SYNE1: variants seen among roughly 807,000 people sequenced by gnomAD.
SYNE1 encodes nesprin-1.
Under a neutral mutation model 1,111.0 loss-of-function variants are expected in SYNE1, and 616 were observed. The ratio of observed to expected loss-of-function variants is 0.55; its 90% CI spans 0.52 to 0.59. The LOEUF is 0.59. Ranked by LOEUF, SYNE1 falls within the 20% of genes least tolerant of loss-of-function variation. The pLI is 0.00. For synonymous variants in SYNE1, 3,855 were observed against 3,825.8 expected, an observed-to-expected ratio of 1.01 and a Z score of -0.28; for missense variants, 10,006 against 10,417.0, an observed-to-expected ratio of 0.96 and a Z score of 1.72.
intron 4 of SYNE1, among the ~76,000 whole-genome samples, chr6:152,532,505 A>G (rs571851863): frequency 3.1e-4 from 47 of 152,362 alleles, no homozygotes; most frequent in African/African-American, 1.1e-3. Flanking sequence ...GAAAATGCTT[A>G]GAAGAATAGC....
intron 4 of SYNE1, among the ~76,000 whole-genome samples, chr6:152,530,623 A>T (rs907981526): frequency 4.2e-5 from 6 of 141,990 alleles, no homozygotes; most frequent in Non-Finnish European, 7.6e-5. Flanking sequence ...GTGTGATGAA[A>T]TTTTTTTTTT....
chr6:152,258,847 T>C (rs908710190), intron 101 of SYNE1, among the ~76,000 whole-genome samples: 3 of 151,732 alleles, frequency 2.0e-5, no homozygotes, highest in African/African-American at 7.3e-5. Context: ...CGGGTTCAAG[T>C]GATTCTCCTG....
rs1055534806 is a variant in SYNE1 at position 152,176,427 on chromosome 6, C to T, written c.23594G>A (p.Arg7865Gln). The T allele has an allele frequency of 1.7e-5, 28 of 1,614,010 alleles. No individual in the cohort carries two copies. Among genetic ancestry groups the T allele is most frequent in the Non-Finnish European group, 2.0e-5 (24 of 1,180,024 alleles). The change falls in exon 130 of 146, where the codon CGG becomes CAG. Residue 7865 changes from arginine to glutamine, a missense_variant. Physicochemically the swap from Arg to Gln is conservative, Grantham distance 43. Coordinates refer to ENST00000367255, the MANE Select transcript of SYNE1 (RefSeq NM_182961.4). ...AATGAGGTCCAGGAGATGCTGCCAC[C>T]GGTCGTTGACCTTTCCCAGCTTGTA... is the stretch of plus-strand genomic sequence containing the variant. Reference protein sequence around the residue: ...IEYKLGKVNDRWQHLLDLIAA... With the variant: ...IEYKLGKVNDQWQHLLDLIAA...
intron 9 of SYNE1, 75 bp downstream of exon 9, chr6:152,505,126 A>G (rs1440914533): frequency 2.0e-6 from 3 of 1,512,212 alleles, no homozygotes; most frequent in Non-Finnish European, 1.8e-6. Context: ...CTTGGAAGTC[A>G]TGTGTATTTC....
chr6:152,500,395 C>T (rs76584112), intron 10 of SYNE1, among the ~76,000 whole-genome samples: 8,788 of 152,200 alleles, frequency 0.058, 293 homozygotes, highest in Non-Finnish European at 0.067. Context: ...AGTTAAGTCA[C>T]GCTGGTGGCC....
chr6:152,151,161 G>A (rs528635234), intron 135 of SYNE1, among the ~76,000 whole-genome samples: 1 of 151,842 alleles, frequency 6.6e-6, no homozygotes, highest in Admixed American at 6.6e-5. Context: ...AGTGGAGGTT[G>A]CAGTGAGCCA....
At chr6:152,183,347 T>C (rs2068676902) in intron 128 of SYNE1, among the ~76,000 whole-genome samples, 1 of 152,190 alleles carries the variant, frequency 6.6e-6, no homozygotes, top group South Asian at 2.1e-4. Context: ...CTGGGCCTGG[T>C]GGCACATGCC....
At chr6:152,506,448 T>C (rs776958103) in intron 8 of SYNE1, among the ~76,000 whole-genome samples, 3 of 152,182 alleles carry the variant, frequency 2.0e-5, no homozygotes, top group Non-Finnish European at 4.4e-5. Context: ...TAATTTTTAC[T>C]AGAATCTCAA....
Position 152,331,182 on chromosome 6 carries a change from G to A in SYNE1, c.13503C>T (p.Ala4501=), listed in dbSNP as rs1474064861. The A allele has an allele frequency of 6.2e-7, 1 of 1,613,892 alleles. No individual in the cohort carries two copies. The highest frequency in any genetic ancestry group is 1.6e-4 in the Middle Eastern group (1 of 6,084). The change falls in exon 78 of 146, where the codon GCC becomes GCT. Residue 4501 remains alanine (A), a synonymous_variant. Transcript: ENST00000367255. The stretch of plus-strand genomic sequence containing the variant: ...CTTCATTTTGGTAAGTCTTGAGGCT[G>A]GCTTGTGCACTCTTACATGTTTTGA... ...KQVKTCKSAQ[A]SLKTYQNEVT...
chr6:152,285,596 C>A (rs1013461990), intron 95 of SYNE1, among the ~76,000 whole-genome samples: 24 of 152,152 alleles, frequency 1.6e-4, no homozygotes, highest in African/African-American at 4.8e-4. Flanking sequence ...ACTCCAGGGC[C>A]CCACTTCAGT....
Position 152,334,333 on chromosome 6 carries a change from G to A in SYNE1, c.12529-60C>T, listed in dbSNP as rs9479296. 8.3e-4 allele frequency: 1,309 copies of A among 1,585,332 alleles called. 13 individuals carry two copies. In the African/African-American group the frequency reaches 0.016, roughly 19 times the overall value. ...GTTAAGAAATGCCCAAATAAATATA[G>A]AGAGCAACACAGACATAAGACCTTT... On this transcript the variant is annotated intron_variant, in intron 76 of 145. Transcript: ENST00000367255.
chr6:152,606,741 G>T (rs747419935), intron 3 of SYNE1, among the ~76,000 whole-genome samples: 2 of 152,010 alleles, frequency 1.3e-5, no homozygotes, highest in Admixed American at 6.6e-5. Context: ...TCCGCCTCCC[G>T]GGTTCACGCC....
chr6:152,334,286 A>G lies in SYNE1; in HGVS notation c.12529-13T>C. On this transcript the variant is annotated splice_polypyrimidine_tract_variant and intron_variant, in intron 76 of 145. Coordinates refer to ENST00000367255, the MANE Select transcript of SYNE1 (RefSeq NM_182961.4). Reference sequence around the variant, plus strand: ...TCTTAACAAAATCCTAAAGGATAACAGCAACAAAAAATATGTAATGTGTTA... The same window carrying G: ...TCTTAACAAAATCCTAAAGGATAACGGCAACAAAAAATATGTAATGTGTTA... The G allele has an allele frequency of 6.2e-7, 1 of 1,612,692 alleles. No homozygotes were observed. The highest frequency in any genetic ancestry group is 8.5e-7 in the Non-Finnish European group (1 of 1,180,000).
intron 74 of SYNE1, among the ~76,000 whole-genome samples, chr6:152,341,178 G>A (rs894711040): frequency 2.6e-5 from 4 of 152,062 alleles, no homozygotes; most frequent in Admixed American, 1.3e-4. Context: ...ATGTACAAGC[G>A]AACTATGGTA....
intron 18 of SYNE1, 99 bp downstream of exon 18, chr6:152,465,159 A>G: frequency 7.5e-7 from 1 of 1,335,766 alleles, no homozygotes; most frequent in Non-Finnish European, 1.1e-6. Flanking sequence ...CTTGAGTGAC[A>G]CTTGTAAATA....
intron 100 of SYNE1, among the ~76,000 whole-genome samples, chr6:152,264,377 G>GA (rs912743988): frequency 4.0e-5 from 6 of 150,100 alleles, no homozygotes; most frequent in South Asian, 2.1e-4. Flanking sequence ...TTGCTCAAGT[G>GA]AAAAAAAAAG....
At chr6:152,301,828 C>T in intron 92 of SYNE1, 41 bp downstream of exon 92, 2 of 1,567,178 alleles carry the variant, frequency 1.3e-6, no homozygotes, top group South Asian at 2.4e-5. Flanking sequence ...CGCCAGGCTC[C>T]AGTCAAAGAG....
chr6:152,586,733 C>T (rs150335618), intron 3 of SYNE1, among the ~76,000 whole-genome samples: 7 of 151,868 alleles, frequency 4.6e-5, no homozygotes, highest in Admixed American at 4.6e-4. Context: ...TTTCATAGAA[C>T]TTATTTTGCA....
intron 58 of SYNE1, among the ~76,000 whole-genome samples, chr6:152,374,000 CCTAGGAAAAGA>C (rs2097234639): frequency 6.6e-6 from 1 of 152,124 alleles, no homozygotes; most frequent in African/African-American, 2.4e-5. Context: ...CACAATTCTC[CCTAGGAAAAGA>C]CAGCAGATGA....
Sources: gnomAD v4.1 joint callset for allele counts (sites outside exome capture counted in the v4.1 genomes callset) on GRCh38, gnomAD v4.1.1 for gene constraint, MANE v1.5 for transcripts, NCBI Gene and HGNC (gene_info 2026-07-23, HGNC 2026-07-21) for gene names.